Variants in SPAG16 observed in about 807,000 individuals in gnomAD.
The protein encoded by SPAG16 is sperm-associated antigen 16 protein.
SPAG16 carries 86 observed loss-of-function variants against 80.4 expected under a neutral mutation model. The observed-to-expected ratio is 1.07, with a 90% CI of 0.90 to 1.28. The LOEUF (loss-of-function observed/expected upper bound fraction) is 1.28, where lower values mean the gene tolerates loss of function less well. Among genes scored for constraint, SPAG16 ranks in the 50% most tolerant of loss-of-function variants. The pLI is 0.00. For missense variants in SPAG16, 870 were observed against 765.3 expected, an observed-to-expected ratio of 1.14 and a Z score of -1.61; for synonymous variants, 294 against 265.9, an observed-to-expected ratio of 1.11 and a Z score of -1.03.
chr2:214,183,746 A>G (rs1391888940), intron 15 of SPAG16, among the ~76,000 whole-genome samples: 2 of 152,002 alleles, frequency 1.3e-5, no homozygotes, highest in Non-Finnish European at 2.9e-5. Context: ...TCATCTGTGT[A>G]GTCCAAACTT....
chr2:213,969,272 C>A (rs1195222625), intron 12 of SPAG16, among the ~76,000 whole-genome samples: 4 of 152,196 alleles, frequency 2.6e-5, no homozygotes, highest in Non-Finnish European at 5.9e-5. Context: ...TTTAATAATT[C>A]TCCATCCAGA....
intron 10 of SPAG16, among the ~76,000 whole-genome samples, chr2:213,578,774 A>G (rs2060210438): frequency 6.6e-6 from 1 of 152,098 alleles, no homozygotes; most frequent in African/African-American, 2.4e-5. Context: ...ATATTGTTGT[A>G]AAGATTTTAA....
chr2:213,624,491 T>C (rs544796531), intron 10 of SPAG16, among the ~76,000 whole-genome samples: 6 of 152,262 alleles, frequency 3.9e-5, no homozygotes, highest in Admixed American at 3.9e-4. Flanking sequence ...ACAGAGTTTA[T>C]AGCCCTGGGG....
At chr2:214,393,353 G>A (rs1701193036) in intron 15 of SPAG16, among the ~76,000 whole-genome samples, 1 of 152,062 alleles carries the variant, frequency 6.6e-6, no homozygotes, top group Non-Finnish European at 1.5e-5. Context: ...CTATCACCAG[G>A]TAGGGAAGTT....
intron 10 of SPAG16, among the ~76,000 whole-genome samples, chr2:213,718,440 G>C (rs1200597974): frequency 6.6e-6 from 1 of 152,186 alleles, no homozygotes; most frequent in Non-Finnish European, 1.5e-5. Flanking sequence ...GCCCCTTTCT[G>C]GGCTGGCCAA....
At chr2:213,823,945 T>C (rs1191297016) in intron 10 of SPAG16, among the ~76,000 whole-genome samples, 1 of 152,238 alleles carries the variant, frequency 6.6e-6, no homozygotes, top group Non-Finnish European at 1.5e-5. Flanking sequence ...ATTTTGGCTT[T>C]TGTTGCAATT....
intron 15 of SPAG16, among the ~76,000 whole-genome samples, chr2:214,180,850 C>T (rs981775976): frequency 4.6e-5 from 7 of 151,664 alleles, no homozygotes; most frequent in Non-Finnish European, 1.0e-4. Flanking sequence ...TCACATTGGG[C>T]TAGATGCAAC....
chr2:214,059,471 T>C (rs892329299), intron 13 of SPAG16, among the ~76,000 whole-genome samples: 1 of 151,782 alleles, frequency 6.6e-6, no homozygotes, highest in African/African-American at 2.4e-5. Flanking sequence ...TTTTGGTCTT[T>C]GTTCTAAGTT....
At chr2:213,309,088 AT>A (rs1230934405) in intron 3 of SPAG16, among the ~76,000 whole-genome samples, 2 of 152,056 alleles carry the variant, frequency 1.3e-5, no homozygotes, top group East Asian at 3.8e-4. Flanking sequence ...TGCATGTGGA[AT>A]TTTTTACCTG....
intron 15 of SPAG16, among the ~76,000 whole-genome samples, chr2:214,262,993 T>A (rs1691287784): frequency 6.6e-6 from 1 of 152,090 alleles, no homozygotes; most frequent in African/African-American, 2.4e-5. Context: ...CACGTGATAT[T>A]TTGATATATG....
chr2:214,404,370 T>C (rs574450768), intron 15 of SPAG16, among the ~76,000 whole-genome samples: 2 of 152,302 alleles, frequency 1.3e-5, no homozygotes, highest in South Asian at 4.1e-4. Flanking sequence ...CATAAGATGG[T>C]TGGATCTAAA....
chr2:214,382,052 C>T (rs977781742), intron 15 of SPAG16, among the ~76,000 whole-genome samples: 1 of 152,180 alleles, frequency 6.6e-6, no homozygotes, highest in Admixed American at 6.5e-5. Flanking sequence ...GTAAATATCA[C>T]GGTGATTTGT....
intron 15 of SPAG16, among the ~76,000 whole-genome samples, chr2:214,385,169 A>C (rs935966173): frequency 4.6e-5 from 7 of 152,230 alleles, no homozygotes; most frequent in African/African-American, 1.7e-4. Context: ...CAGTTCAGCC[A>C]AGACACCTGG....
At chr2:213,623,949 A>G (rs2061870416) in intron 10 of SPAG16, among the ~76,000 whole-genome samples, 1 of 152,100 alleles carries the variant, frequency 6.6e-6, no homozygotes, top group Non-Finnish European at 1.5e-5. Flanking sequence ...ATACATATTT[A>G]ACAATGTAAT....
intron 12 of SPAG16, among the ~76,000 whole-genome samples, chr2:214,004,793 C>T (rs532619065): frequency 6.6e-6 from 1 of 152,108 alleles, no homozygotes; most frequent in East Asian, 1.9e-4. Context: ...TGTTCGCTGA[C>T]AGCCTGTAGA....
At chr2:213,912,505 C>A (rs1032571066) in intron 11 of SPAG16, among the ~76,000 whole-genome samples, 26 of 152,144 alleles carry the variant, frequency 1.7e-4, no homozygotes, top group Admixed American at 4.6e-4. Flanking sequence ...CAAAATATTT[C>A]TTCCTCGCTT....
At chr2:214,238,765 G>A (rs1269921066) in intron 15 of SPAG16, 2 of 151,356 alleles carry the variant, frequency 1.3e-5, no homozygotes, top group Non-Finnish European at 2.9e-5. Context: ...AAGCTCATAA[G>A]CATAGCTACT....
chr2:213,603,734 T>G (rs1250608514), intron 10 of SPAG16, among the ~76,000 whole-genome samples: 1 of 152,234 alleles, frequency 6.6e-6, no homozygotes, highest in African/African-American at 2.4e-5. Context: ...TTATGATGTA[T>G]AGAATAAAAT....
At chr2:214,190,813 C>A (rs964219045) in intron 15 of SPAG16, among the ~76,000 whole-genome samples, 10 of 152,110 alleles carry the variant, frequency 6.6e-5, no homozygotes, top group African/African-American at 2.4e-4. Flanking sequence ...CTCACCAGAT[C>A]TCATGATAGC....
Sources: allele counts gnomAD v4.1 joint callset (sites outside exome capture counted in the v4.1 genomes callset), GRCh38; gene constraint gnomAD v4.1.1; transcripts MANE v1.5; gene names NCBI Gene and HGNC (gene_info 2026-07-23, HGNC 2026-07-21).